EFR3A: variants seen among roughly 807,000 people sequenced by gnomAD.
EFR3A encodes EFR3 homolog A, also known as protein EFR3 homolog A.
EFR3A carries 76 observed loss-of-function variants against 104.4 expected under a neutral mutation model. That is an observed-to-expected ratio of 0.73 (90% CI 0.60 to 0.88). The LOEUF is 0.88. Ranked by LOEUF, EFR3A falls within the 40% of genes least tolerant of loss-of-function variation. EFR3A has a pLI of 0.00. For synonymous variants in EFR3A, 330 were observed against 330.0 expected (o/e 1.00, Z 0.00); for missense variants, 985 against 1,012.5 (o/e 0.97, Z 0.37).
intron 18 of EFR3A, among the ~76,000 whole-genome samples, chr8:131,989,739 T>A (rs1821070455): frequency 6.6e-6 from 1 of 152,162 alleles, no homozygotes; most frequent in Non-Finnish European, 1.5e-5. Flanking sequence ...GGTGTTAAGA[T>A]GCAATTCTTA....
intron 1 of EFR3A, among the ~76,000 whole-genome samples, chr8:131,929,719 G>A (rs947583598): frequency 5.3e-5 from 8 of 151,998 alleles, no homozygotes; most frequent in African/African-American, 1.7e-4. Flanking sequence ...ATTGGGTATT[G>A]TTTTTCCCAT....
rs1388313547 is a variant in EFR3A at position 131,904,117 on chromosome 8, G to GT, written c.-195dup. The GT allele has an allele frequency of 7.5e-6, 4 of 536,660 alleles. No individual in the cohort carries two copies. Among genetic ancestry groups the GT allele is most frequent in the Admixed American group, 4.5e-5 (1 of 22,078 alleles). 33.2% of individuals were successfully genotyped at this position (536,660 alleles called of 1,614,324 possible). A position where few individuals can be genotyped will look rare whatever the true frequency, so the allele number is the denominator to read the frequency against. On this transcript the variant is annotated 5_prime_UTR_variant, in exon 1 of 23. Transcript: ENST00000254624. The stretch of plus-strand genomic sequence containing the variant: ...CGTCCGTCGCGCCGCCCGGCGAGGA[G>GT]TGGGCTGGCGGCGGTAGCTGTCGCC...
At chr8:131,966,537 G>T (rs1355768567) in intron 8 of EFR3A, among the ~76,000 whole-genome samples, 1 of 152,000 alleles carries the variant, frequency 6.6e-6, no homozygotes, top group African/African-American at 2.4e-5. Flanking sequence ...ACACAATTTG[G>T]GTGCTTTATA....
intron 9 of EFR3A, among the ~76,000 whole-genome samples, chr8:131,969,931 A>C (rs1168768467): frequency 6.6e-6 from 1 of 152,220 alleles, no homozygotes; most frequent in Non-Finnish European, 1.5e-5. Flanking sequence ...TAAAGTGGAC[A>C]GAAGCAGTGA....
At chr8:131,975,326 C>T (rs1336303650) in intron 10 of EFR3A, among the ~76,000 whole-genome samples, 1 of 151,728 alleles carries the variant, frequency 6.6e-6, no homozygotes, top group African/African-American at 2.4e-5. Context: ...GCCTGATTAC[C>T]GGAACAAAAA....
Position 131,947,961 on chromosome 8 carries a change from T to TG in EFR3A, c.366+1331dup, listed in dbSNP as rs562427835. On this transcript the variant is annotated intron_variant, in intron 4 of 22. Coordinates refer to ENST00000254624, the MANE Select transcript of EFR3A (RefSeq NM_015137.6). ...GAACCATTGTCCCTTAAAATAAGTTTGGGAAAGCATACCTACTTTAAAAAG... is the reference window on the plus strand; with the variant it reads ...GAACCATTGTCCCTTAAAATAAGTTTGGGGAAAGCATACCTACTTTAAAAAG... 1.8e-3 allele frequency among the ~76,000 whole-genome samples: 280 copies of TG among 152,248 alleles called. 2 individuals are homozygous for TG. Among genetic ancestry groups the TG allele is most frequent in the African/African-American group, 6.5e-3 (272 of 41,570 alleles).
intron 1 of EFR3A, among the ~76,000 whole-genome samples, chr8:131,934,550 C>T (rs1817780306): frequency 6.6e-6 from 1 of 151,866 alleles, no homozygotes; most frequent in Non-Finnish European, 1.5e-5. Context: ...ATGTAGTCAC[C>T]TTTTTAAGTC....
intron 1 of EFR3A, among the ~76,000 whole-genome samples, chr8:131,913,972 C>T (rs1816638042): frequency 6.6e-6 from 1 of 152,192 alleles, no homozygotes; most frequent in African/African-American, 2.4e-5. Flanking sequence ...AACCCACTAA[C>T]TGGAGAAGAT....
intron 22 of EFR3A, among the ~76,000 whole-genome samples, chr8:132,007,575 T>C (rs1822115334): frequency 6.6e-6 from 1 of 151,880 alleles, no homozygotes; most frequent in Non-Finnish European, 1.5e-5. Context: ...AAAATCCCAA[T>C]CAAAACCCCA....
intron 8 of EFR3A, among the ~76,000 whole-genome samples, chr8:131,966,729 G>A (rs893367235): frequency 6.6e-6 from 1 of 152,116 alleles, no homozygotes; most frequent in Non-Finnish European, 1.5e-5. Flanking sequence ...CAGGGCTTAT[G>A]TACTTCACCA....
intron 4 of EFR3A, among the ~76,000 whole-genome samples, chr8:131,947,673 C>A (rs1818507749): frequency 6.6e-6 from 1 of 151,870 alleles, no homozygotes; most frequent in Admixed American, 6.6e-5. Context: ...AAGAGTTTTA[C>A]AGTTTAAGTT....
chr8:131,931,129 T>A (rs1817585293), intron 1 of EFR3A, among the ~76,000 whole-genome samples: 2 of 152,076 alleles, frequency 1.3e-5, no homozygotes, highest in Admixed American at 1.3e-4. Flanking sequence ...TCCCAGGGAT[T>A]GATTCAGAAA....
At chr8:131,907,984 G>A (rs1478862524) in intron 1 of EFR3A, among the ~76,000 whole-genome samples, 1 of 152,050 alleles carries the variant, frequency 6.6e-6, no homozygotes, top group Admixed American at 6.5e-5. Flanking sequence ...CACTTGTGGG[G>A]ACATGGGGCT....
intron 8 of EFR3A, among the ~76,000 whole-genome samples, chr8:131,960,370 C>A (rs911395925): frequency 6.6e-6 from 1 of 152,060 alleles, no homozygotes; most frequent in South Asian, 2.1e-4. Context: ...CCTCACAGGG[C>A]CAACTGCAGG....
At chr8:131,996,597 TAAATTATCCTC>T (rs1160330970) in intron 19 of EFR3A, 100 bp downstream of exon 19, 2 of 598,656 alleles carry the variant, frequency 3.3e-6, no homozygotes, top group African/African-American at 2.0e-5. Context: ...AATACAACTC[TAAATTATCCTC>T]AAATCAACTA....
At chr8:131,948,157 T>C (rs909342480) in intron 4 of EFR3A, among the ~76,000 whole-genome samples, 10 of 152,124 alleles carry the variant, frequency 6.6e-5, no homozygotes, top group Non-Finnish European at 1.0e-4. Context: ...CTATTGTTTA[T>C]GGATAATTGT....
intron 8 of EFR3A, among the ~76,000 whole-genome samples, chr8:131,964,037 A>C (rs1045205496): frequency 5.9e-5 from 9 of 152,066 alleles, no homozygotes; most frequent in Non-Finnish European, 1.3e-4. Flanking sequence ...CATGCTAAAA[A>C]CTCTCAATAA....
At chr8:131,919,102 G>A (rs1420281673) in intron 1 of EFR3A, among the ~76,000 whole-genome samples, 1 of 149,262 alleles carries the variant, frequency 6.7e-6, no homozygotes, top group Non-Finnish European at 1.5e-5. Flanking sequence ...TTTTTTTAAA[G>A]CTTAGCTAAA....
At chr8:131,948,288 T>C (rs1234389523) in intron 4 of EFR3A, among the ~76,000 whole-genome samples, 2 of 152,134 alleles carry the variant, frequency 1.3e-5, no homozygotes, top group African/African-American at 4.8e-5. Flanking sequence ...GCAAGTTATT[T>C]ATTCTCTCCT....
Sources: gnomAD v4.1 joint callset for allele counts (sites outside exome capture counted in the v4.1 genomes callset) on GRCh38, gnomAD v4.1.1 for gene constraint, MANE v1.5 for transcripts, NCBI Gene and HGNC (gene_info 2026-07-23, HGNC 2026-07-21) for gene names.